The following PREX1 variants were observed in gnomAD, a reference collection of about 807,000 sequenced individuals.
PREX1 encodes the protein phosphatidylinositol-3,4,5-trisphosphate dependent Rac exchange factor 1.
In PREX1, 41 loss-of-function variants were observed where a neutral mutation model predicts 198.3. The ratio of observed to expected loss-of-function variants is 0.21; its 90% CI spans 0.16 to 0.27. The LOEUF (loss-of-function observed/expected upper bound fraction) is 0.27. PREX1 is among the 10% of genes least tolerant of loss of function. The pLI, the probability that PREX1 is intolerant of heterozygous loss-of-function variation, is 1.00. For synonymous variants in PREX1, 843 were observed against 887.2 expected (o/e 0.95, Z 0.89); for missense variants, 1,620 against 2,200.7 (o/e 0.74, Z 5.28).
chr20:48,694,289 C>T (rs1234355346), intron 7 of PREX1, among the ~76,000 whole-genome samples: 1 of 152,178 alleles, frequency 6.6e-6, no homozygotes, highest in African/African-American at 2.4e-5. Flanking sequence ...AGTCACTCAA[C>T]AAACATCTGG....
At chr20:48,747,292 G>A (rs2090113164) in intron 2 of PREX1, among the ~76,000 whole-genome samples, 1 of 152,226 alleles carries the variant, frequency 6.6e-6, no homozygotes, top group South Asian at 2.1e-4. Flanking sequence ...CCAGGCTGGG[G>A]CTGAGCCATG....
chr20:48,653,042 A>G (rs1204407009), intron 20 of PREX1, among the ~76,000 whole-genome samples: 1 of 152,114 alleles, frequency 6.6e-6, no homozygotes, highest in Non-Finnish European at 1.5e-5. Context: ...CTGGCCCCCA[A>G]CCAAATGGAG....
intron 1 of PREX1, among the ~76,000 whole-genome samples, chr20:48,790,480 G>GA (rs1335192475): frequency 6.6e-6 from 1 of 151,562 alleles, no homozygotes. Flanking sequence ...GTTTAACAGG[G>GA]AAAAAAAGTC....
chr20:48,846,671 T>A, the PREX1 span, among the ~76,000 whole-genome samples: 1 of 152,174 alleles, frequency 6.6e-6, no homozygotes, highest in African/African-American at 2.4e-5. Context: ...ATTGTGTTGC[T>A]GGAGACAGAA....
chr20:48,810,057 C>A (rs551199892), intron 1 of PREX1, among the ~76,000 whole-genome samples: 25 of 152,316 alleles, frequency 1.6e-4, no homozygotes, highest in African/African-American at 5.8e-4. Context: ...GGGCAGGTAA[C>A]AGGGAATGCT....
chr20:48,645,729 A>T, intron 26 of PREX1, 122 bp downstream of exon 26: 1 of 1,130,124 alleles, frequency 8.8e-7, no homozygotes, highest in Middle Eastern at 2.9e-4. Flanking sequence ...TATCAGCAAC[A>T]GCACCCTGAG....
chr20:48,754,855 C>T (rs1462909330), intron 1 of PREX1, among the ~76,000 whole-genome samples: 4 of 152,014 alleles, frequency 2.6e-5, no homozygotes, highest in Non-Finnish European at 4.4e-5. Flanking sequence ...ATAATAAAAT[C>T]GCTATAACAG....
At position 48,808,257 on chromosome 20, in the gene PREX1, AT is replaced by A. The variant is rs573667941; in HGVS notation, c.219+19384del. On this transcript the variant is annotated intron_variant, in intron 1 of 39. Transcript: ENST00000371941. ...CCCCTCACTGGCACACTCCACAAAC[AT>A]TTGCTGAGAGCTTAGGCTGTGCCAG... Among the ~76,000 whole-genome samples the A allele has an allele frequency of 2.1e-3, 325 of 152,074 alleles. 1 individual carries two copies. The highest frequency in any genetic ancestry group is 4.0e-3 in the Admixed American group (61 of 15,280).
At chr20:48,831,378 CAAG>C (rs1168605514), upstream of PREX1, among the ~76,000 whole-genome samples, 1 of 152,136 alleles carries the variant, frequency 6.6e-6, no homozygotes, top group Non-Finnish European at 1.5e-5. Flanking sequence ...GATCTGTTGT[CAAG>C]AGAGAAGAGG....
intron 1 of PREX1, among the ~76,000 whole-genome samples, chr20:48,763,131 A>G (rs965601251): frequency 4.1e-4 from 62 of 152,272 alleles, no homozygotes; most frequent in African/African-American, 1.4e-3. Flanking sequence ...TACGTGAATT[A>G]TATCTCACAC....
intron 1 of PREX1, among the ~76,000 whole-genome samples, chr20:48,770,861 G>A (rs1220413352): frequency 2.0e-5 from 3 of 152,204 alleles, no homozygotes; most frequent in Non-Finnish European, 2.9e-5. Context: ...GGGGCACTCA[G>A]TGGAAATGCT....
chr20:48,757,634 C>T (rs979075060), intron 1 of PREX1, among the ~76,000 whole-genome samples: 2 of 152,156 alleles, frequency 1.3e-5, no homozygotes, highest in Non-Finnish European at 2.9e-5. Flanking sequence ...TAACTTGTTG[C>T]CTCTGCCCAC....
chr20:48,641,311 G>A (rs866924168), intron 29 of PREX1, among the ~76,000 whole-genome samples: 7 of 152,084 alleles, frequency 4.6e-5, no homozygotes, highest in African/African-American at 2.4e-5. Flanking sequence ...ATGATATTTC[G>A]TTGCCGTTGT....
chr20:48,812,892 C>T (rs2123050356), intron 1 of PREX1, among the ~76,000 whole-genome samples: 1 of 152,346 alleles, frequency 6.6e-6, no homozygotes, highest in Middle Eastern at 3.4e-3. Context: ...CTGTCGTGTA[C>T]CAGGCTCAGA....
In PREX1 at chr20:48,632,345, C is replaced by T. The variant is rs199932089; in HGVS notation, c.4458G>A (p.Ala1486=). The change falls in exon 35 of 40, where the codon GCG becomes GCA. Residue 1486 remains alanine, a synonymous_variant. Transcript: ENST00000371941. Reference sequence around the variant, plus strand: ...CGTTGATGTCCTGCTGCAAATCCTCCGCGGCCTGGCTGCCTGGAGAAGGCA... The same window carrying T: ...CGTTGATGTCCTGCTGCAAATCCTCTGCGGCCTGGCTGCCTGGAGAAGGCA... The part of the protein sequence containing the change: ...EGLPSPGSQA[A]EDLQQDINAQ... 4.8e-5 allele frequency: 78 copies of T among 1,613,932 alleles called. No individual in the cohort carries two copies. The highest frequency in any genetic ancestry group is 5.9e-5 in the Non-Finnish European group (70 of 1,180,032).
intron 3 of PREX1, among the ~76,000 whole-genome samples, chr20:48,735,508 GGCT>G (rs1316506893): frequency 6.6e-6 from 1 of 152,136 alleles, no homozygotes; most frequent in African/African-American, 2.4e-5. Context: ...TCACTCTGGG[GGCT>G]CTGTGTGCAT....
chr20:48,628,320 G>A (rs1412447834), intron 37 of PREX1, among the ~76,000 whole-genome samples: 2 of 152,184 alleles, frequency 1.3e-5, no homozygotes, highest in East Asian at 1.9e-4. Flanking sequence ...TCGGCTCCGT[G>A]GGGTTTGAGA....
the PREX1 span, among the ~76,000 whole-genome samples, chr20:48,878,091 A>G: frequency 6.6e-6 from 1 of 151,996 alleles, no homozygotes; most frequent in African/African-American, 2.4e-5. Flanking sequence ...CCTGGGCAAC[A>G]GAGTGAGACT....
chr20:48,783,840 A>AC (rs928954849), intron 1 of PREX1, among the ~76,000 whole-genome samples: 10 of 152,132 alleles, frequency 6.6e-5, no homozygotes, highest in African/African-American at 2.4e-4. Flanking sequence ...TCTTCAAAAT[A>AC]CCCCAAATGA....
Sources: gnomAD v4.1 joint callset for allele counts (sites outside exome capture counted in the v4.1 genomes callset) on GRCh38, gnomAD v4.1.1 for gene constraint, MANE v1.5 for transcripts, NCBI Gene and HGNC (gene_info 2026-07-23, HGNC 2026-07-21) for gene names.